Variants in GPR89A observed in about 807,000 individuals in gnomAD.
GPR89A encodes golgi pH regulator A, also known as G protein-coupled receptor 89A.
A neutral mutation model predicts 52.0 loss-of-function variants in GPR89A; 16 were observed. The observed-to-expected ratio is 0.31, with a 90% CI of 0.21 to 0.47. GPR89A has a LOEUF of 0.47. Ranked by LOEUF, GPR89A falls within the 20% of genes least tolerant of loss-of-function variation. The pLI is 1.00. For synonymous variants in GPR89A, 55 were observed against 150.9 expected, an observed-to-expected ratio of 0.36 and a Z score of 4.66; for missense variants, 135 against 449.4, an observed-to-expected ratio of 0.30 and a Z score of 6.33.
chr1:145,666,714 C>T (rs1282059188), intron 12 of GPR89A, among the ~76,000 whole-genome samples: 1 of 129,752 alleles, frequency 7.7e-6, no homozygotes. Flanking sequence ...TCCCCCCACC[C>T]CACGACAAGC....
At chr1:145,628,207 A>C (rs1210916905) in intron 5 of GPR89A, among the ~76,000 whole-genome samples, 17 of 152,072 alleles carry the variant, frequency 1.1e-4, no homozygotes, top group Non-Finnish European at 1.9e-4. Context: ...CATTAGGTGA[A>C]GCTGGGGAAA....
intron 1 of GPR89A, 117 bp downstream of exon 1, chr1:145,608,292 C>A: frequency 7.1e-7 from 1 of 1,417,868 alleles, no homozygotes; most frequent in Non-Finnish European, 9.9e-7. Flanking sequence ...GCGTCCTGCG[C>A]TAGTCACTCT....
intron 10 of GPR89A, among the ~76,000 whole-genome samples, chr1:145,659,146 C>T (rs1409140419): frequency 4.6e-5 from 7 of 151,734 alleles, no homozygotes; most frequent in Non-Finnish European, 7.4e-5. Flanking sequence ...GTAGAATTGC[C>T]GTGTCATATG....
chr1:145,649,729 C>A (rs1218422959), intron 10 of GPR89A, among the ~76,000 whole-genome samples: 7 of 149,116 alleles, frequency 4.7e-5, no homozygotes, highest in African/African-American at 1.5e-4. Context: ...ACAGCCAACT[C>A]TTTTCCAAAA....
At chr1:145,638,812 A>G (rs1318113872) in intron 7 of GPR89A, among the ~76,000 whole-genome samples, 6 of 115,714 alleles carry the variant, frequency 5.2e-5, no homozygotes, top group African/African-American at 1.5e-4. Flanking sequence ...AACATTGTAG[A>G]ATACCAAATG....
At position 145,608,141 on chromosome 1, in the gene GPR89A, T is replaced by G. The variant is rs1232531777; in HGVS notation, c.8T>G (p.Phe3Cys). 16 of 1,613,410 alleles carry G rather than the reference T, an allele frequency of 9.9e-6. No individual in the cohort carries two copies. Among genetic ancestry groups the G allele is most frequent in the Non-Finnish European group, 1.3e-5 (15 of 1,179,832 alleles). Reference protein sequence around the residue: MSFLIDSSIMITS... With the variant: MSCLIDSSIMITS... ...CCTTCCTTACACTTCGCCATGAGTTTCCTCATCGACTCCAGCATCATGATT... is the reference window on the plus strand; with the variant it reads ...CCTTCCTTACACTTCGCCATGAGTTGCCTCATCGACTCCAGCATCATGATT... Residue 3 changes from phenylalanine (F) to cysteine (C), a missense_variant, in exon 1 of 14, where the codon TTC becomes TGC. Phe to Cys is a radical substitution (Grantham distance 205, BLOSUM62 -2). Coordinates refer to ENST00000313835, the MANE Select transcript of GPR89A (RefSeq NM_001097612.2).
intron 10 of GPR89A, among the ~76,000 whole-genome samples, chr1:145,655,798 G>C (rs1395544178): frequency 2.6e-5 from 4 of 152,136 alleles, no homozygotes; most frequent in African/African-American, 9.7e-5. Context: ...GAAGCACTCT[G>C]ACTGCCCCTT....
intron 1 of GPR89A, among the ~76,000 whole-genome samples, chr1:145,610,702 G>C (rs181018402): frequency 1.7e-3 from 252 of 152,230 alleles, no homozygotes; most frequent in Admixed American, 5.9e-3. Flanking sequence ...TAGCATTCAT[G>C]CTCTCATTTG....
At chr1:145,643,040 A>G (rs1217716411) in intron 7 of GPR89A, among the ~76,000 whole-genome samples, 1 of 54,526 alleles carries the variant, frequency 1.8e-5, no homozygotes, top group Non-Finnish European at 3.4e-5. Context: ...GGACAGGTTT[A>G]TGCAATTTTG....
intron 5 of GPR89A, among the ~76,000 whole-genome samples, chr1:145,625,219 T>G (rs1261636027): frequency 2.6e-5 from 4 of 151,604 alleles, no homozygotes; most frequent in Non-Finnish European, 5.9e-5. Flanking sequence ...GCCGGAAAAC[T>G]TAACATAACA....
At chr1:145,611,160 T>TTGTG (rs373604657) in intron 1 of GPR89A, among the ~76,000 whole-genome samples, 125 of 149,576 alleles carry the variant, frequency 8.4e-4, no homozygotes, top group East Asian at 4.5e-3. Flanking sequence ...CTCCAGCTAC[T>TTGTG]TGTGTGTGTG....
At chr1:145,620,911 A>C (rs1220898669) in intron 3 of GPR89A, among the ~76,000 whole-genome samples, 1 of 152,200 alleles carries the variant, frequency 6.6e-6, no homozygotes, top group South Asian at 2.1e-4. Flanking sequence ...TTAAAGTTGC[A>C]CTTGTTATTT....
At chr1:145,639,691 G>C (rs1324910921) in intron 7 of GPR89A, among the ~76,000 whole-genome samples, 4 of 151,126 alleles carry the variant, frequency 2.6e-5, no homozygotes, top group Admixed American at 6.6e-5. Context: ...AGGTTGCAGT[G>C]AGCTGAGATT....
At chr1:145,660,161 A>C (rs1652097429) in intron 10 of GPR89A, among the ~76,000 whole-genome samples, 1 of 152,192 alleles carries the variant, frequency 6.6e-6, no homozygotes, top group Non-Finnish European at 1.5e-5. Flanking sequence ...ATCTACAACT[A>C]TCTGATCTTT....
At chr1:145,642,744 A>T (rs1180346393) in intron 7 of GPR89A, among the ~76,000 whole-genome samples, 9 of 151,086 alleles carry the variant, frequency 6.0e-5, no homozygotes, top group Admixed American at 1.3e-4. Flanking sequence ...TGGTCCTGCT[A>T]CTCTATTTTT....
At chr1:145,617,598 G>A (rs1360573448) in intron 2 of GPR89A, among the ~76,000 whole-genome samples, 1 of 152,122 alleles carries the variant, frequency 6.6e-6, no homozygotes, top group Non-Finnish European at 1.5e-5. Flanking sequence ...AAAGACAGGT[G>A]TAAGAAATTA....
intron 3 of GPR89A, among the ~76,000 whole-genome samples, chr1:145,619,776 GA>G (rs1357609620): frequency 9.9e-5 from 15 of 152,196 alleles, no homozygotes; most frequent in African/African-American, 3.6e-4. Context: ...AGCACTTTGG[GA>G]GGCCAAGGCA....
chr1:145,634,784 T>G (rs1553690460), intron 7 of GPR89A, among the ~76,000 whole-genome samples: 1 of 151,394 alleles, frequency 6.6e-6, no homozygotes, highest in Non-Finnish European at 1.5e-5. Context: ...CTGAAATTAT[T>G]AATAGTCTCT....
chr1:145,663,279 T>G lies in GPR89A; in HGVS notation c.910-50T>G, dbSNP rs587697572. On this transcript the variant is annotated intron_variant, in intron 10 of 13. Transcript: ENST00000313835. ...CATTAGTTTCAGTCACTTTTTGAAA[T>G]AGTAAGTGATTGTTAAGATGCTCCA... 5.6e-6 allele frequency: 9 copies of G among 1,608,142 alleles called. No homozygotes were observed. The Admixed American group carries it at 8.4e-5, about 15-fold the overall frequency.
Sources: gnomAD v4.1 joint callset for allele counts (sites outside exome capture counted in the v4.1 genomes callset) on GRCh38, gnomAD v4.1.1 for gene constraint, MANE v1.5 for transcripts, NCBI Gene and HGNC (gene_info 2026-07-23, HGNC 2026-07-21) for gene names.